PLCB1: variants seen among roughly 807,000 people sequenced by gnomAD.
PLCB1 encodes phospholipase C beta 1, also known as 1-phosphatidylinositol 4,5-bisphosphate phosphodiesterase beta-1.
In PLCB1, 46 loss-of-function variants were observed where a neutral mutation model predicts 161.8. The observed-to-expected ratio is 0.28, with a 90% CI of 0.22 to 0.36. The LOEUF is 0.36. Among genes scored for constraint, PLCB1 ranks in the 10% least tolerant of loss-of-function variants. The probability of loss-of-function intolerance (pLI) is 1.00; values close to 1 mark genes in which losing one functional copy is unlikely to be tolerated. For synonymous variants in PLCB1, 517 were observed against 503.7 expected (o/e 1.03, Z -0.35); for missense variants, 1,016 against 1,472.5 (o/e 0.69, Z 5.07).
At chr20:8,834,489 T>G (rs1251776955) in intron 31 of PLCB1, among the ~76,000 whole-genome samples, 1 of 152,074 alleles carries the variant, frequency 6.6e-6, no homozygotes. Context: ...GTCCAAAATC[T>G]GCAGAGCAGA....
intron 31 of PLCB1, among the ~76,000 whole-genome samples, chr20:8,861,350 G>A (rs1340485859): frequency 6.6e-6 from 1 of 152,174 alleles, no homozygotes; most frequent in Non-Finnish European, 1.5e-5. Context: ...ACAGAACAAA[G>A]GATAAGTCAT....
intron 18 of PLCB1, among the ~76,000 whole-genome samples, chr20:8,732,839 A>G (rs1009625233): frequency 8.0e-6 from 1 of 124,580 alleles, no homozygotes; most frequent in Non-Finnish European, 1.7e-5. Flanking sequence ...TACTATATTT[A>G]TATATAATTA....
intron 31 of PLCB1, among the ~76,000 whole-genome samples, chr20:8,876,018 C>T (rs1987768166): frequency 6.6e-6 from 1 of 152,092 alleles, no homozygotes. Context: ...AAATCTTTGA[C>T]AACACAGGAA....
At chr20:8,816,177 C>A (rs1985078738) in intron 31 of PLCB1, among the ~76,000 whole-genome samples, 1 of 152,126 alleles carries the variant, frequency 6.6e-6, no homozygotes, top group Admixed American at 6.5e-5. Context: ...AGGATCCCAT[C>A]TGAGAGGGAC....
At chr20:8,455,541 C>T (rs2122664489) in intron 3 of PLCB1, among the ~76,000 whole-genome samples, 1 of 147,962 alleles carries the variant, frequency 6.8e-6, no homozygotes, top group Admixed American at 6.8e-5. Context: ...CCTGGGTTCA[C>T]GCCATTCTCC....
chr20:8,740,958 C>T (rs576498833), intron 22 of PLCB1, among the ~76,000 whole-genome samples: 1 of 152,304 alleles, frequency 6.6e-6, no homozygotes, highest in South Asian at 2.1e-4. Context: ...ATAACTCATT[C>T]CAGCTAGGCA....
chr20:8,735,785 CAAAGAG>C (rs1980550186), intron 19 of PLCB1, among the ~76,000 whole-genome samples: 1 of 152,144 alleles, frequency 6.6e-6, no homozygotes, highest in South Asian at 2.1e-4. Context: ...TCAAGTTAAA[CAAAGAG>C]ATTGTTGCTA....
intron 2 of PLCB1, among the ~76,000 whole-genome samples, chr20:8,305,517 A>G (rs1039059287): frequency 9.2e-5 from 14 of 152,238 alleles, no homozygotes; most frequent in African/African-American, 3.4e-4. Flanking sequence ...CATTTTGCAA[A>G]CACACCTTGG....
At chr20:8,139,330 G>A (rs781260816) in intron 1 of PLCB1, among the ~76,000 whole-genome samples, 2 of 151,890 alleles carry the variant, frequency 1.3e-5, no homozygotes, top group Non-Finnish European at 2.9e-5. Flanking sequence ...TCCTGACCTC[G>A]GGTAATCTGC....
At chr20:8,301,995 T>C (rs1202230635) in intron 2 of PLCB1, among the ~76,000 whole-genome samples, 2 of 152,180 alleles carry the variant, frequency 1.3e-5, no homozygotes, top group East Asian at 1.9e-4. Context: ...TAAGATAGAA[T>C]TGATATCGGC....
intron 3 of PLCB1, among the ~76,000 whole-genome samples, chr20:8,400,817 C>A (rs1978517763): frequency 6.6e-6 from 1 of 151,932 alleles, no homozygotes; most frequent in Non-Finnish European, 1.5e-5. Context: ...TTTTTGCTGC[C>A]TCAAACAATG....
intron 2 of PLCB1, among the ~76,000 whole-genome samples, chr20:8,359,228 G>A (rs905333891): frequency 2.6e-5 from 4 of 152,060 alleles, no homozygotes; most frequent in African/African-American, 9.7e-5. Flanking sequence ...TAGAAAAAAT[G>A]TTATTCACAT....
At chr20:8,216,900 A>G (rs1449972390) in intron 2 of PLCB1, among the ~76,000 whole-genome samples, 1 of 152,054 alleles carries the variant, frequency 6.6e-6, no homozygotes, top group Non-Finnish European at 1.5e-5. Flanking sequence ...AGTGGTGTCA[A>G]CCCACTTCTT....
chr20:8,619,415 T>A (rs1988118328), intron 3 of PLCB1, among the ~76,000 whole-genome samples: 1 of 149,678 alleles, frequency 6.7e-6, no homozygotes, highest in Non-Finnish European at 1.5e-5. Context: ...CAAGACTCTG[T>A]CTAAAAAGAA....
At chr20:8,381,058 A>G (rs1230300536) in intron 3 of PLCB1, among the ~76,000 whole-genome samples, 2 of 152,198 alleles carry the variant, frequency 1.3e-5, no homozygotes, top group Non-Finnish European at 2.9e-5. Flanking sequence ...TTTCCCATTC[A>G]ATATAATATT....
intron 2 of PLCB1, among the ~76,000 whole-genome samples, chr20:8,216,666 A>G (rs187240337): frequency 1.5e-4 from 23 of 152,212 alleles, no homozygotes; most frequent in Non-Finnish European, 3.1e-4. Context: ...CCCCTCAAAA[A>G]GGTCAGAGAA....
intron 3 of PLCB1, among the ~76,000 whole-genome samples, chr20:8,506,422 A>G (rs1161229934): frequency 6.6e-6 from 1 of 152,198 alleles, no homozygotes; most frequent in Non-Finnish European, 1.5e-5. Context: ...TGTACCCTAT[A>G]CTGAACATGG....
chr20:8,176,152 A>C (rs2051781245), intron 2 of PLCB1, among the ~76,000 whole-genome samples: 1 of 152,214 alleles, frequency 6.6e-6, no homozygotes, highest in Non-Finnish European at 1.5e-5. Flanking sequence ...TGATCCCAGA[A>C]ACATGTTTTA....
At chr20:8,759,014 A>T (rs939081522) in intron 24 of PLCB1, among the ~76,000 whole-genome samples, 1 of 152,210 alleles carries the variant, frequency 6.6e-6, no homozygotes. Context: ...ACTGTTCAAG[A>T]TTCCAACGCA....
Sources: gnomAD v4.1 joint callset for allele counts (sites outside exome capture counted in the v4.1 genomes callset) on GRCh38, gnomAD v4.1.1 for gene constraint, MANE v1.5 for transcripts, NCBI Gene and HGNC (gene_info 2026-07-23, HGNC 2026-07-21) for gene names.